Variants in PTPN4 observed in about 807,000 individuals in gnomAD.
PTPN4 encodes the protein protein tyrosine phosphatase non-receptor type 4.
PTPN4 carries 49 observed loss-of-function variants against 135.5 expected under a neutral mutation model. That is an observed-to-expected ratio of 0.36 (90% CI 0.29 to 0.46). The LOEUF is 0.46. Among genes scored for constraint, PTPN4 ranks in the 20% least tolerant of loss-of-function variants. The pLI is 1.00. For missense variants in PTPN4, 860 were observed against 1,101.0 expected (o/e 0.78, Z 3.10); for synonymous variants, 333 against 369.9 (o/e 0.90, Z 1.14).
intron 2 of PTPN4, among the ~76,000 whole-genome samples, chr2:119,844,891 C>T (rs1677464084): frequency 1.3e-5 from 2 of 151,374 alleles, no homozygotes; most frequent in African/African-American, 4.9e-5. Flanking sequence ...CTTTGGGAGG[C>T]CAAGGCAGGT....
intron 10 of PTPN4, among the ~76,000 whole-genome samples, chr2:119,905,537 A>G (rs1389027051): frequency 1.3e-5 from 2 of 152,214 alleles, no homozygotes; most frequent in African/African-American, 2.4e-5. Context: ...GGACTTCAGC[A>G]CACCAGATTC....
intron 15 of PTPN4, among the ~76,000 whole-genome samples, chr2:119,937,260 G>T (rs1678996894): frequency 6.6e-6 from 1 of 152,192 alleles, no homozygotes; most frequent in African/African-American, 2.4e-5. Context: ...TTGTCCAAAT[G>T]TGAAAAGAAT....
intron 1 of PTPN4, among the ~76,000 whole-genome samples, chr2:119,765,062 A>G (rs575661696): frequency 9.9e-5 from 15 of 152,182 alleles, no homozygotes; most frequent in Non-Finnish European, 2.2e-4. Context: ...CTGGTGTGGA[A>G]TCTAGCGTCA....
rs539201768 is a variant in PTPN4 at position 119,838,357 on chromosome 2, C to CCGGCGG, written c.139-24178_139-24177insGGCGGC. On this transcript the variant is annotated intron_variant, in intron 2 of 26. Transcript: ENST00000263708. Reference sequence around the variant, plus strand: ...ATACTCAGGCAGAAGGTGCCGCCAGCCACCGAGGTTTCTGGCTGCCGAAGT... The same window carrying CCGGCGG: ...ATACTCAGGCAGAAGGTGCCGCCAGCCGGCGGCACCGAGGTTTCTGGCTGCCGAAGT... Among the ~76,000 whole-genome samples, 483 of 152,204 alleles carry CCGGCGG rather than the reference C, an allele frequency of 3.2e-3. 2 individuals are homozygous for CCGGCGG. Among genetic ancestry groups the CCGGCGG allele is most frequent in the South Asian group, 0.015 (74 of 4,814 alleles).
At chr2:119,895,007 T>G (rs1678298741) in intron 9 of PTPN4, among the ~76,000 whole-genome samples, 1 of 152,214 alleles carries the variant, frequency 6.6e-6, no homozygotes, top group South Asian at 2.1e-4. Context: ...CTTCCATTAC[T>G]GAAACTCCAT....
intron 1 of PTPN4, among the ~76,000 whole-genome samples, chr2:119,793,341 C>G (rs1691185654): frequency 6.6e-6 from 1 of 152,320 alleles, no homozygotes; most frequent in Non-Finnish European, 1.5e-5. Context: ...TCCTGCCCGG[C>G]TCCCAGGCAG....
At chr2:119,811,864 G>A (rs1435581413) in intron 2 of PTPN4, among the ~76,000 whole-genome samples, 1 of 151,720 alleles carries the variant, frequency 6.6e-6, no homozygotes, top group African/African-American at 2.4e-5. Context: ...CTTTTAGAAA[G>A]ACATATATAT....
intron 1 of PTPN4, chr2:119,771,473 G>A (rs1574324743): frequency 6.6e-6 from 1 of 152,160 alleles, no homozygotes; most frequent in African/African-American, 2.4e-5. Flanking sequence ...CTCCAATCTT[G>A]TAGCTGGAGC....
chr2:119,890,035 G>A (rs182772650), intron 9 of PTPN4, among the ~76,000 whole-genome samples: 143 of 152,218 alleles, frequency 9.4e-4, no homozygotes, highest in African/African-American at 3.4e-3. Context: ...TGGTCCATTT[G>A]ATCTAATGTT....
intron 1 of PTPN4, among the ~76,000 whole-genome samples, chr2:119,788,790 T>C (rs749179484): frequency 4.6e-5 from 7 of 152,236 alleles, no homozygotes; most frequent in Non-Finnish European, 8.8e-5. Context: ...AACACTTCAT[T>C]GTGTGGATAT....
chr2:119,798,007 T>C (rs1210333856), intron 1 of PTPN4, among the ~76,000 whole-genome samples: 1 of 152,130 alleles, frequency 6.6e-6, no homozygotes, highest in African/African-American at 2.4e-5. Flanking sequence ...TATCTTGGTT[T>C]TCAAACTTTT....
At chr2:119,784,270 TC>T (rs1230392269) in intron 1 of PTPN4, among the ~76,000 whole-genome samples, 5 of 141,686 alleles carry the variant, frequency 3.5e-5, no homozygotes, top group Admixed American at 3.5e-4. Context: ...TGATGTAGAC[TC>T]CCTTTTTTTT....
Position 119,967,771 on chromosome 2 carries a change from A to G in PTPN4, c.2559-66A>G, listed in dbSNP as rs1163944381. ...TCTGTGTTATAATTCAGTTTTATGC[A>G]CAAAAGCCACAAGTAGTTTAACAGA... On this transcript the variant is annotated intron_variant, in intron 25 of 26. Coordinates refer to ENST00000263708, the MANE Select transcript of PTPN4 (RefSeq NM_002830.4). The G allele has an allele frequency of 5.2e-6, 7 of 1,338,724 alleles. No homozygotes were observed. In the East Asian group the frequency reaches 9.9e-5, roughly 19 times the overall value. The allele number at this position is 1,338,724 out of a possible 1,614,324, so 82.9% of individuals were successfully genotyped here. A position where few individuals can be genotyped will look rare whatever the true frequency, so the allele number is the denominator to read the frequency against.
At chr2:119,785,045 A>T (rs1167574833) in intron 1 of PTPN4, among the ~76,000 whole-genome samples, 1 of 152,064 alleles carries the variant, frequency 6.6e-6, no homozygotes, top group Non-Finnish European at 1.5e-5. Flanking sequence ...CACTATTGAC[A>T]TTTTGGACCA....
intron 1 of PTPN4, among the ~76,000 whole-genome samples, chr2:119,771,951 T>C (rs771335206): frequency 6.6e-6 from 1 of 152,202 alleles, no homozygotes; most frequent in Non-Finnish European, 1.5e-5. Flanking sequence ...CAGAATTCTT[T>C]TGTTATCTCT....
At chr2:119,810,494 GTAGT>G (rs761960432) in intron 2 of PTPN4, among the ~76,000 whole-genome samples, 11 of 152,286 alleles carry the variant, frequency 7.2e-5, no homozygotes, top group East Asian at 3.9e-4. Context: ...TGTGTTAACA[GTAGT>G]TAGTTCATTG....
intron 1 of PTPN4, among the ~76,000 whole-genome samples, chr2:119,762,599 C>A (rs1690528879): frequency 6.6e-6 from 1 of 152,016 alleles, no homozygotes; most frequent in Non-Finnish European, 1.5e-5. Context: ...CTTCTGCCCC[C>A]CGCTTGAGAG....
At chr2:119,765,326 C>G (rs1690595519) in intron 1 of PTPN4, among the ~76,000 whole-genome samples, 1 of 152,064 alleles carries the variant, frequency 6.6e-6, no homozygotes, top group Non-Finnish European at 1.5e-5. Flanking sequence ...TATACCATAA[C>G]TGATTTAGAC....
intron 14 of PTPN4, among the ~76,000 whole-genome samples, chr2:119,933,789 C>T (rs573913535): frequency 1.7e-4 from 26 of 151,992 alleles, no homozygotes; most frequent in African/African-American, 1.7e-4. Context: ...TAATACTTAA[C>T]GTGTTAAAGT....
Sources: gnomAD v4.1 joint callset for allele counts (sites outside exome capture counted in the v4.1 genomes callset) on GRCh38, gnomAD v4.1.1 for gene constraint, MANE v1.5 for transcripts, NCBI Gene and HGNC (gene_info 2026-07-23, HGNC 2026-07-21) for gene names.